The following ARHGAP6 variants were observed in gnomAD, a reference collection of about 807,000 sequenced individuals.
ARHGAP6 encodes rho GTPase-activating protein 6.
ARHGAP6 carries 16 observed loss-of-function variants against 55.7 expected under a neutral mutation model. The observed-to-expected ratio is 0.29, with a 90% CI of 0.19 to 0.44. The LOEUF is 0.44. Among genes scored for constraint, ARHGAP6 ranks in the 20% least tolerant of loss-of-function variants. ARHGAP6 has a pLI of 1.00. For synonymous variants in ARHGAP6, 382 were observed against 360.9 expected (o/e 1.06, Z -0.66); for missense variants, 698 against 808.9 (o/e 0.86, Z 1.66).
chrX:11,436,880 T>C (rs2049991922), intron 1 of ARHGAP6, among the ~76,000 whole-genome samples: 1 of 86,692 alleles, frequency 1.2e-5, no homozygotes, highest in Non-Finnish European at 2.2e-5. Flanking sequence ...AGCTTGGGGG[T>C]TGAGGAGTTG....
chrX:11,414,883 T>A (rs1321622579), intron 1 of ARHGAP6, among the ~76,000 whole-genome samples: 1 of 111,450 alleles, frequency 9.0e-6, no homozygotes, highest in Non-Finnish European at 1.9e-5. Context: ...AGATAAAAAA[T>A]CTCCAGGGAG....
chrX:11,482,307 C>A (rs1232690453), intron 1 of ARHGAP6, among the ~76,000 whole-genome samples: 1 of 112,173 alleles, frequency 8.9e-6, no homozygotes, highest in African/African-American at 3.2e-5. Flanking sequence ...AGGAATGGCA[C>A]TAGAAGTCAT....
At chrX:11,232,971 G>A (rs1256370667) in intron 2 of ARHGAP6, among the ~76,000 whole-genome samples, 1 of 112,196 alleles carries the variant, frequency 8.9e-6, no homozygotes, top group Non-Finnish European at 1.9e-5. Context: ...AGCCATACAG[G>A]AGGTGCACAA....
At chrX:11,280,508 G>A (rs1365373651) in intron 1 of ARHGAP6, among the ~76,000 whole-genome samples, 12 of 111,194 alleles carry the variant, frequency 1.1e-4, no homozygotes, top group East Asian at 5.7e-4. Context: ...CAATAGCAGC[G>A]TCTGTGTCAC....
intron 1 of ARHGAP6, among the ~76,000 whole-genome samples, chrX:11,659,879 A>G (rs2052677507): frequency 8.9e-6 from 1 of 112,107 alleles, no homozygotes; most frequent in Non-Finnish European, 1.9e-5. Flanking sequence ...GAACTGTAAG[A>G]CAATAAATTT....
chrX:11,628,426 T>C (rs767197112), intron 1 of ARHGAP6, among the ~76,000 whole-genome samples: 134 of 112,990 alleles, frequency 1.2e-3, no homozygotes, highest in Admixed American at 3.4e-3. Flanking sequence ...GGGAATTGTA[T>C]TATTGTGTAA....
intron 1 of ARHGAP6, among the ~76,000 whole-genome samples, chrX:11,361,820 C>A (rs184371682): frequency 8.9e-6 from 1 of 111,748 alleles, no homozygotes; most frequent in African/African-American, 3.3e-5. Flanking sequence ...AAAAAACGAC[C>A]AACCCCATCA....
At chrX:11,645,820 A>G (rs1293385109) in intron 1 of ARHGAP6, among the ~76,000 whole-genome samples, 3 of 111,963 alleles carry the variant, frequency 2.7e-5, no homozygotes, top group Non-Finnish European at 5.6e-5. Flanking sequence ...AAGGGTCTAT[A>G]TGACAGATGA....
intron 1 of ARHGAP6, among the ~76,000 whole-genome samples, chrX:11,634,683 A>T (rs760342435): frequency 8.9e-6 from 1 of 112,410 alleles, no homozygotes; most frequent in African/African-American, 3.2e-5. Context: ...TTTTAATGAC[A>T]CAGGAGATTT....
intron 1 of ARHGAP6, among the ~76,000 whole-genome samples, chrX:11,400,793 G>T (rs998198026): frequency 1.8e-5 from 2 of 112,041 alleles, no homozygotes; most frequent in Non-Finnish European, 3.8e-5. Flanking sequence ...TGACTGTGCC[G>T]TATTGTATTT....
chrX:11,391,511 A>G (rs181078415), intron 1 of ARHGAP6, among the ~76,000 whole-genome samples: 36 of 111,599 alleles, frequency 3.2e-4, no homozygotes, highest in African/African-American at 1.1e-3. Context: ...ACTTTAAAAC[A>G]TAACTGGTAC....
intron 2 of ARHGAP6, among the ~76,000 whole-genome samples, chrX:11,204,922 T>C (rs73184317): frequency 0.18 from 20,108 of 111,480 alleles, 1,367 homozygotes; most frequent in Middle Eastern, 0.25. Flanking sequence ...CATTGATCTA[T>C]AATGGTCTCC....
intron 3 of ARHGAP6, 53 bp from the exon 4 acceptor site, chrX:11,189,037 A>G: frequency 8.7e-7 from 1 of 1,155,795 alleles, no homozygotes; most frequent in Non-Finnish European, 1.2e-6. Flanking sequence ...TCCAGTGAAC[A>G]CTCTCATTTA....
At chrX:11,577,017 T>G (rs142165678) in intron 1 of ARHGAP6, among the ~76,000 whole-genome samples, 2,237 of 112,061 alleles carry the variant, frequency 0.02, 24 homozygotes, top group Non-Finnish European at 0.023. Flanking sequence ...TCACACCTCC[T>G]TCTCTGAATC....
intron 1 of ARHGAP6, among the ~76,000 whole-genome samples, chrX:11,546,736 A>G (rs2051215416): frequency 8.9e-6 from 1 of 112,091 alleles, no homozygotes; most frequent in Non-Finnish European, 1.9e-5. Context: ...GTCTATATCC[A>G]ACATTCTTCC....
chrX:11,355,799 AGAG>A (rs1207644904), intron 1 of ARHGAP6, among the ~76,000 whole-genome samples: 2 of 111,523 alleles, frequency 1.8e-5, no homozygotes, highest in African/African-American at 6.5e-5. Context: ...GGGCTTCGTT[AGAG>A]GAGAAGGGGA....
At chrX:11,409,426 C>T (rs1489904822) in intron 1 of ARHGAP6, among the ~76,000 whole-genome samples, 5 of 111,796 alleles carry the variant, frequency 4.5e-5, no homozygotes, top group Non-Finnish European at 9.4e-5. Context: ...TCTGGCCTCT[C>T]CAAGTCTTGC....
At chrX:11,331,437 CT>C (rs1253482972) in intron 1 of ARHGAP6, among the ~76,000 whole-genome samples, 1 of 112,085 alleles carries the variant, frequency 8.9e-6, no homozygotes, top group African/African-American at 3.2e-5. Context: ...CCGAAGGTTT[CT>C]GTGTATACAA....
chrX:11,584,475 C>T (rs2051702133), intron 1 of ARHGAP6, among the ~76,000 whole-genome samples: 1 of 111,340 alleles, frequency 9.0e-6, no homozygotes, highest in Non-Finnish European at 1.9e-5. Flanking sequence ...AGCTTCAGAG[C>T]CCAAAGCATA....
Sources: allele counts gnomAD v4.1 joint callset (sites outside exome capture counted in the v4.1 genomes callset), GRCh38; gene constraint gnomAD v4.1.1; transcripts MANE v1.5; gene names NCBI Gene and HGNC (gene_info 2026-07-23, HGNC 2026-07-21).